The following CAPN5 variants were observed in gnomAD, a reference collection of about 807,000 sequenced individuals.
CAPN5 encodes the protein calpain 5, also known as calpain-5.
In CAPN5, 54 loss-of-function variants were observed where a neutral mutation model predicts 73.0. The observed-to-expected ratio is 0.74, with a 90% CI of 0.59 to 0.93. The LOEUF (loss-of-function observed/expected upper bound fraction) is 0.93, where lower values mean the gene tolerates loss of function less well. Among genes scored for constraint, CAPN5 ranks in the 40% least tolerant of loss-of-function variants. The pLI, the probability that CAPN5 is intolerant of heterozygous loss-of-function variation, is 0.00. For missense variants in CAPN5, 785 were observed against 882.9 expected, an observed-to-expected ratio of 0.89 and a Z score of 1.41; for synonymous variants, 335 against 356.9, an observed-to-expected ratio of 0.94 and a Z score of 0.69.
intron 1 of CAPN5, among the ~76,000 whole-genome samples, chr11:77,079,015 T>G (rs1259400285): frequency 6.6e-6 from 1 of 152,154 alleles, no homozygotes; most frequent in East Asian, 1.9e-4. Flanking sequence ...ATCATATGTT[T>G]TTTGCCCTTT....
rs901202847 is a variant in CAPN5 at position 77,115,460 on chromosome 11, C to T, written c.765C>T (p.Ala255=). 34 of 1,612,918 alleles carry T rather than the reference C, an allele frequency of 2.1e-5. No homozygotes were observed. Among genetic ancestry groups the T allele is most frequent in the Non-Finnish European group, 2.9e-5 (34 of 1,179,836 alleles). The change falls in exon 6 of 13, where the codon GCC becomes GCT. Residue 255 remains alanine (A), a synonymous_variant. Transcript: ENST00000648180. The part of the protein sequence containing the change: ...ACGLVKGHAY[A]VTDVRKVRLG... ...GCCTGGTAAAGGGCCACGCATACGCCGTCACTGATGTGCGCAAGGTGCGCC... is the reference window on the plus strand; with the variant it reads ...GCCTGGTAAAGGGCCACGCATACGCTGTCACTGATGTGCGCAAGGTGCGCC...
chr11:77,113,820 T>G (rs1555041148), intron 4 of CAPN5, among the ~76,000 whole-genome samples: 1 of 152,102 alleles, frequency 6.6e-6, no homozygotes, highest in Non-Finnish European at 1.5e-5. Context: ...ATAATGCTTC[T>G]CATTTTAACC....
At chr11:77,115,361 C>A (rs1194239117) in intron 5 of CAPN5, 34 bp from the exon 6 acceptor site, 7 of 1,561,274 alleles carry the variant, frequency 4.5e-6, no homozygotes, top group Non-Finnish European at 6.1e-6. Context: ...TCCAGTGTGG[C>A]CCTGCCTCTC....
intron 3 of CAPN5, among the ~76,000 whole-genome samples, chr11:77,103,501 C>T (rs1008852038): frequency 6.6e-6 from 1 of 152,140 alleles, no homozygotes; most frequent in Non-Finnish European, 1.5e-5. Flanking sequence ...TCCCTGGGGC[C>T]AGCACTCCAG....
rs1459199941 is a variant in CAPN5, at chr11:77,125,639, T to TATATATATATATATATATAC, written c.*1770_*1771insTATATATATATATATATACA. On this transcript the variant is annotated 3_prime_UTR_variant, in exon 13 of 13. Coordinates refer to ENST00000648180, the MANE Select transcript of CAPN5 (RefSeq NM_004055.5). ...CTATATATATATATATATATATATA[T>TATATATATATATATATATAC]ACATTCATGTAATCACCACTTCTCG... The TATATATATATATATATATAC allele has an allele frequency of 6.7e-6, 1 of 149,798 alleles. No individual in the cohort carries two copies. The highest frequency in any genetic ancestry group is 2.5e-5 in the African/African-American group (1 of 40,414). 9.3% of individuals were successfully genotyped at this position (149,798 alleles called of 1,614,324 possible).
rs869143993 is a variant in CAPN5 at position 77,097,489 on chromosome 11, T to TTTTTA, written c.297+3676_297+3677insTTTTA. ...GTTTTTTTTTTTTTTTTTTTTTTTT[T>TTTTTA]ATTGATAATTCTTGGGTGTTTCTCA... On this transcript the variant is annotated intron_variant, in intron 3 of 12. Coordinates refer to ENST00000648180, the MANE Select transcript of CAPN5 (RefSeq NM_004055.5). Among the ~76,000 whole-genome samples the TTTTTA allele has an allele frequency of 3.0e-5, 4 of 135,406 alleles. No homozygotes were observed. In the East Asian group the frequency reaches 6.1e-4, roughly 21 times the overall value. The allele number at this position is 135,406 out of a possible 152,430, so 88.8% of individuals were successfully genotyped here.
At chr11:77,075,183 T>A (rs1198469338) in intron 1 of CAPN5, among the ~76,000 whole-genome samples, 1 of 152,164 alleles carries the variant, frequency 6.6e-6, no homozygotes, top group African/African-American at 2.4e-5. Flanking sequence ...GCCTCATCCA[T>A]GATCCCTGCC....
chr11:77,123,390 T>C lies in CAPN5; in HGVS notation c.1741-298T>C, dbSNP rs1317792227. ...GCTGACTCAACCTTCATATTAAAGA[T>C]GGGGAAACTAGGGCAGTGGGTGTAC... On this transcript the variant is annotated intron_variant, in intron 12 of 12. Transcript: ENST00000648180. Among the ~76,000 whole-genome samples the C allele has an allele frequency of 2.6e-5, 4 of 152,144 alleles. No individual in the cohort carries two copies. The East Asian group carries it at 7.7e-4, about 29-fold the overall frequency.
intron 3 of CAPN5, among the ~76,000 whole-genome samples, chr11:77,098,065 CA>C (rs1555037855): frequency 2.2e-5 from 2 of 89,514 alleles, no homozygotes; most frequent in African/African-American, 6.2e-5. Context: ...AGGCGCCCCT[CA>C]CCTCCCGGAC....
In CAPN5 at chr11:77,119,133, T is replaced by C. The variant is rs1950497802; in HGVS notation, c.1271T>C (p.Ile424Thr). The change falls in exon 9 of 13, where the codon ATT (isoleucine) becomes ACT (threonine). Residue 424 changes from isoleucine to threonine, a missense_variant. Coordinates refer to ENST00000648180, the MANE Select transcript of CAPN5 (RefSeq NM_004055.5). Reference sequence around the variant, plus strand: ...GAGGGCAAGGGTGAGAACCTGGCCATTGGCTTTGACATCTACAAGGTGAGG... The same window carrying C: ...GAGGGCAAGGGTGAGAACCTGGCCACTGGCTTTGACATCTACAAGGTGAGG... ...RREGKGENLA[I>T]GFDIYKVEEN... The C allele has an allele frequency of 1.2e-6, 2 of 1,612,700 alleles. No individual in the cohort carries two copies. The highest frequency in any genetic ancestry group is 1.7e-5 in the Admixed American group (1 of 59,930).
At chr11:77,090,045 G>A (rs1341378958) in intron 2 of CAPN5, among the ~76,000 whole-genome samples, 5 of 152,192 alleles carry the variant, frequency 3.3e-5, no homozygotes, top group Non-Finnish European at 7.4e-5. Flanking sequence ...GATGCCAACA[G>A]TGCCCATCTC....
chr11:77,088,722 G>A (rs1235617944), intron 2 of CAPN5, among the ~76,000 whole-genome samples: 2 of 152,298 alleles, frequency 1.3e-5, no homozygotes, highest in Non-Finnish European at 2.9e-5. Flanking sequence ...GGATGTGGAG[G>A]GAGCCTCTGC....
rs1950515372 is a variant in CAPN5 at position 77,120,901 on chromosome 11, C to A, written c.1479C>A (p.Ser493=). 10 of 1,612,378 alleles carry A rather than the reference C, an allele frequency of 6.2e-6. No individual in the cohort carries two copies. The highest frequency in any genetic ancestry group is 8.5e-6 in the Non-Finnish European group (10 of 1,178,896). ...TCCGAGTCTTCACTGATGTGCCCTC[C>A]AACTGCCGGTACTTGGGGGCTGGCT... is the stretch of plus-strand genomic sequence containing the variant. ...FLLRVFTDVP[S]NCRELRLDEP... is the part of the protein sequence containing the mutation. Residue 493 remains serine, a synonymous_variant, in exon 10 of 13, where the codon TCC becomes TCA. Transcript: ENST00000648180.
At chr11:77,081,872 T>C (rs752763120) in intron 1 of CAPN5, among the ~76,000 whole-genome samples, 1 of 152,076 alleles carries the variant, frequency 6.6e-6, no homozygotes, top group Non-Finnish European at 1.5e-5. Context: ...GCGTCTGTGA[T>C]GTGGAAAGCT....
intron 1 of CAPN5, among the ~76,000 whole-genome samples, chr11:77,080,119 C>T (rs1261434614): frequency 1.3e-5 from 2 of 152,118 alleles, no homozygotes; most frequent in African/African-American, 4.8e-5. Flanking sequence ...ATCCTTTCCC[C>T]AGTGCATTGT....
At chr11:77,085,617 A>G (rs1247714617) in intron 2 of CAPN5, among the ~76,000 whole-genome samples, 1 of 152,216 alleles carries the variant, frequency 6.6e-6, no homozygotes, top group African/African-American at 2.4e-5. Flanking sequence ...GTACGGGACC[A>G]TGGATACTGA....
In CAPN5 at chr11:77,084,979, C is replaced by T. The variant is rs369753017; in HGVS notation, c.93C>T (p.Leu31=). ...GGAAGGTGCTCTTCGAGGACCCCCTCTTCCCCGCCACTGACGACTCACTCT... is the reference window on the plus strand; with the variant it reads ...GGAAGGTGCTCTTCGAGGACCCCCTTTTCCCCGCCACTGACGACTCACTCT... ...RRRKVLFEDP[L]FPATDDSLYY... The change falls in exon 2 of 13, where the codon CTC becomes CTT. Residue 31 remains leucine, a synonymous_variant. Coordinates refer to ENST00000648180, the MANE Select transcript of CAPN5 (RefSeq NM_004055.5). The T allele has an allele frequency of 3.7e-6, 6 of 1,613,514 alleles. No homozygotes were observed. The African/African-American group carries it at 8.0e-5, about 22-fold the overall frequency.
At chr11:77,115,659 G>A in intron 6 of CAPN5, 71 bp downstream of exon 6, 1 of 1,324,426 alleles carries the variant, frequency 7.6e-7, no homozygotes, top group South Asian at 1.3e-5. Context: ...GCTTCTTGGA[G>A]GAGTTGGCAC....
chr11:77,104,960 T>G (rs953116341), intron 3 of CAPN5, among the ~76,000 whole-genome samples: 6 of 152,046 alleles, frequency 3.9e-5, no homozygotes, highest in Non-Finnish European at 1.5e-5. Flanking sequence ...GCACTGGTCC[T>G]TTCTGACTCA....
Sources: allele counts gnomAD v4.1 joint callset (sites outside exome capture counted in the v4.1 genomes callset), GRCh38; gene constraint gnomAD v4.1.1; transcripts MANE v1.5; gene names NCBI Gene and HGNC (gene_info 2026-07-23, HGNC 2026-07-21).